The following STAT4 variants were observed in gnomAD, a reference collection of about 807,000 sequenced individuals.
STAT4 encodes signal transducer and activator of transcription 4.
In STAT4, 42 loss-of-function variants were observed where a neutral mutation model predicts 110.5. That is an observed-to-expected ratio of 0.38 (90% CI 0.30 to 0.49). STAT4 has a LOEUF of 0.49. Ranked by LOEUF, STAT4 falls within the 20% of genes least tolerant of loss-of-function variation. The pLI, the probability that STAT4 is intolerant of heterozygous loss-of-function variation, is 0.95. For missense variants in STAT4, 632 were observed against 887.9 expected (o/e 0.71, Z 3.66); for synonymous variants, 284 against 302.2 (o/e 0.94, Z 0.63).
At chr2:191,100,365 T>C (rs140135845) in intron 3 of STAT4, among the ~76,000 whole-genome samples, 1,638 of 152,300 alleles carry the variant, frequency 0.011, 22 homozygotes, top group African/African-American at 0.038. Flanking sequence ...GTAAGTCAAC[T>C]GTGGGCATGA....
chr2:191,147,182 T>A lies in STAT4; in HGVS notation c.129-425A>T, dbSNP rs894697830. On this transcript the variant is annotated intron_variant, in intron 2 of 23. Transcript: ENST00000392320. This position sits in a 1 kb window ranked among gnomAD's most constrained non-coding sequence, Gnocchi z 4.1. ...ACCCAAAAGAATTAAAAGCAGGGAC[T>A]CAAACAGATATTTGCATACCAATGT... 1.7e-4 allele frequency among the ~76,000 whole-genome samples: 26 copies of A among 152,146 alleles called. No homozygotes were observed. The highest frequency in any genetic ancestry group is 6.3e-4 in the African/African-American group (26 of 41,438).
chr2:191,075,175 A>C (rs377728702), intron 4 of STAT4, among the ~76,000 whole-genome samples: 9 of 152,192 alleles, frequency 5.9e-5, no homozygotes, highest in East Asian at 5.8e-4. Context: ...CAAAACAAAA[A>C]AAAAACTTTT....
At chr2:191,063,866 G>A (rs1341271665) in intron 8 of STAT4, among the ~76,000 whole-genome samples, 1 of 152,180 alleles carries the variant, frequency 6.6e-6, no homozygotes, top group East Asian at 1.9e-4. Context: ...AGGCCTGGCA[G>A]GGCAGAGCTT....
intron 3 of STAT4, among the ~76,000 whole-genome samples, chr2:191,137,395 T>C (rs1039026406): frequency 1.1e-4 from 16 of 152,094 alleles, no homozygotes; most frequent in African/African-American, 3.9e-4. Flanking sequence ...TGTTCATGGA[T>C]TGGAAGAATT....
At chr2:191,119,961 TA>T (rs1559075438) in intron 3 of STAT4, among the ~76,000 whole-genome samples, 11 of 152,188 alleles carry the variant, frequency 7.2e-5, no homozygotes, top group Admixed American at 5.9e-4. Context: ...ATGGATCACT[TA>T]TTAGCCTTTT....
chr2:191,109,305 T>C (rs1370958044), intron 3 of STAT4, among the ~76,000 whole-genome samples: 1 of 150,578 alleles, frequency 6.6e-6, no homozygotes, highest in African/African-American at 2.5e-5. Context: ...TGTTTTGTTT[T>C]TTGTTTTTTT....
intron 3 of STAT4, among the ~76,000 whole-genome samples, chr2:191,133,762 G>T (rs1559082230): frequency 6.6e-6 from 1 of 151,690 alleles, no homozygotes; most frequent in Non-Finnish European, 1.5e-5. Context: ...CAATAATAAT[G>T]ATTCAGAAAT....
At chr2:191,106,044 C>A (rs551270924) in intron 3 of STAT4, among the ~76,000 whole-genome samples, 5 of 152,196 alleles carry the variant, frequency 3.3e-5, no homozygotes, top group Middle Eastern at 3.4e-3. Context: ...TTTTCTGTTA[C>A]TAAGGAATTT....
chr2:191,053,346 A>T lies in STAT4; in HGVS notation c.1251+1144T>A, dbSNP rs1443225276. Among the ~76,000 whole-genome samples, 1 of 152,172 alleles carries T rather than the reference A, an allele frequency of 6.6e-6. No individual in the cohort carries two copies. Among genetic ancestry groups the T allele is most frequent in the African/African-American group, 2.4e-5 (1 of 41,448 alleles). On this transcript the variant is annotated intron_variant, in intron 14 of 23. Transcript: ENST00000392320. This position sits in a 1 kb window ranked among gnomAD's most constrained non-coding sequence, Gnocchi z 4.5. ...ACTATCCTGCTCTCTTAGAGGAAAA[A>T]AATGCAGTATTTCCTCATCAGTTCA...
At chr2:191,098,336 C>T (rs1165390679) in intron 3 of STAT4, among the ~76,000 whole-genome samples, 2 of 152,198 alleles carry the variant, frequency 1.3e-5, no homozygotes, top group Admixed American at 6.5e-5. Flanking sequence ...TGGCACTATT[C>T]ACAATAGCAA....
At position 191,033,225 on chromosome 2, in the gene STAT4, T is replaced by C. The variant is rs1241533105; in HGVS notation, c.1853-76A>G. ...GTGACCATTTCTTCCCTGCCCACAT[T>C]ATCTTCATGCCACTGGAGTGACTTG... On this transcript the variant is annotated intron_variant, in intron 20 of 23. Transcript: ENST00000392320. This position sits in a 1 kb window ranked among gnomAD's most constrained non-coding sequence, Gnocchi z 6.9. 1 of 1,436,746 alleles carries C rather than the reference T, an allele frequency of 7.0e-7. No individual in the cohort carries two copies. The highest frequency in any genetic ancestry group is 1.4e-5 in the African/African-American group (1 of 70,384). The allele number at this position is 1,436,746 out of a possible 1,614,324, so 89.0% of individuals were successfully genotyped here. A position where few individuals can be genotyped will look rare whatever the true frequency, so the allele number is the denominator to read the frequency against.
intron 3 of STAT4, among the ~76,000 whole-genome samples, chr2:191,124,987 T>C (rs1448951396): frequency 1.3e-5 from 2 of 152,224 alleles, no homozygotes; most frequent in Non-Finnish European, 2.9e-5. Context: ...TATAGTTCTA[T>C]GTCTCCACCT....
At chr2:191,106,673 A>AAAAT (rs1444065493) in intron 3 of STAT4, among the ~76,000 whole-genome samples, 1 of 150,360 alleles carries the variant, frequency 6.7e-6, no homozygotes, top group African/African-American at 2.4e-5. Flanking sequence ...AAAATAAAAT[A>AAAAT]AAATAAAATA....
rs1246173916 is a variant in STAT4 at position 191,116,097 on chromosome 2, A to G, written c.273+30516T>C. 6.6e-6 allele frequency among the ~76,000 whole-genome samples: 1 copy of G among 152,206 alleles called. No homozygotes were observed. The highest frequency in any genetic ancestry group is 6.5e-5 in the Admixed American group (1 of 15,270). On this transcript the variant is annotated intron_variant, in intron 3 of 23. Coordinates refer to ENST00000392320, the MANE Select transcript of STAT4 (RefSeq NM_003151.4). This position sits in a 1 kb window ranked among gnomAD's most constrained non-coding sequence, Gnocchi z 4.1. Reference sequence around the variant, plus strand: ...TTGTCAGAAAAACTTCATTTGCTTGAATTGTGCTCTGATCATTACATGTAA... The same window carrying G: ...TTGTCAGAAAAACTTCATTTGCTTGGATTGTGCTCTGATCATTACATGTAA...
intron 3 of STAT4, among the ~76,000 whole-genome samples, chr2:191,121,095 T>A (rs1698713574): frequency 6.6e-6 from 1 of 151,800 alleles, no homozygotes; most frequent in Non-Finnish European, 1.5e-5. Flanking sequence ...AACAACCCCA[T>A]CAAAAAGTGG....
chr2:191,096,449 G>A (rs745424176), intron 3 of STAT4, among the ~76,000 whole-genome samples: 6 of 152,190 alleles, frequency 3.9e-5, no homozygotes, highest in Non-Finnish European at 2.9e-5. Context: ...TCCCTGGGAT[G>A]CAAGGCTGGT....
chr2:191,081,410 T>A (rs1697473936), intron 3 of STAT4, among the ~76,000 whole-genome samples: 1 of 152,222 alleles, frequency 6.6e-6, no homozygotes, highest in Non-Finnish European at 1.5e-5. Context: ...CCTTGAGGAA[T>A]TGTCACACTG....
At chr2:191,069,048 A>C (rs1250798783) in intron 6 of STAT4, among the ~76,000 whole-genome samples, 1 of 152,114 alleles carries the variant, frequency 6.6e-6, no homozygotes, top group Non-Finnish European at 1.5e-5. Flanking sequence ...GAAATACTTA[A>C]AAAATAAAAC....
At chr2:191,118,438 CT>C (rs1467351224) in intron 3 of STAT4, among the ~76,000 whole-genome samples, 1 of 152,164 alleles carries the variant, frequency 6.6e-6, no homozygotes, top group Non-Finnish European at 1.5e-5. Flanking sequence ...AGATCTTCAT[CT>C]TTCACTTCCT....
Sources: allele counts gnomAD v4.1 joint callset (sites outside exome capture counted in the v4.1 genomes callset), GRCh38; gene constraint gnomAD v4.1.1; non-coding constraint Gnocchi (gnomAD v3.1); transcripts MANE v1.5; gene names NCBI Gene and HGNC (gene_info 2026-07-23, HGNC 2026-07-21).